Variants in PRKD1 observed in about 807,000 individuals in gnomAD.
PRKD1 encodes serine/threonine-protein kinase D1.
Under a neutral mutation model 95.9 loss-of-function variants are expected in PRKD1, and 63 were observed. That is an observed-to-expected ratio of 0.66 (90% CI 0.54 to 0.81). The LOEUF (loss-of-function observed/expected upper bound fraction) is 0.81. Among genes scored for constraint, PRKD1 ranks in the 30% least tolerant of loss-of-function variants. The pLI, the probability that PRKD1 is intolerant of heterozygous loss-of-function variation, is 0.00. For synonymous variants in PRKD1, 425 were observed against 423.1 expected, an observed-to-expected ratio of 1.00 and a Z score of -0.05; for missense variants, 1,048 against 1,165.3, an observed-to-expected ratio of 0.90 and a Z score of 1.47.
At chr14:29,586,466 T>C (rs1039541781) in intron 16 of PRKD1, among the ~76,000 whole-genome samples, 41 of 152,280 alleles carry the variant, frequency 2.7e-4, no homozygotes, top group African/African-American at 8.9e-4. Flanking sequence ...AAGTACAGAA[T>C]TGGAAAATCT....
chr14:29,927,375 G>A lies in PRKD1; in HGVS notation c.138C>T (p.Val46=). The A allele has an allele frequency of 1.3e-6, 2 of 1,557,548 alleles. No homozygotes were observed. The highest frequency in any genetic ancestry group is 2.5e-5 in the East Asian group (1 of 39,440). Reference sequence around the variant, plus strand: ...TCTGCAGATGGAACGAGATGCCCCCGACCGGGGCCGCGACAGGAGCCAAGA... The same window carrying A: ...TCTGCAGATGGAACGAGATGCCCCCAACCGGGGCCGCGACAGGAGCCAAGA... The part of the protein sequence containing the change: ...APFLAPVAAP[V]GGISFHLQIG... Residue 46 remains valine (V), a synonymous_variant, in exon 1 of 18, where the codon GTC becomes GTT. Transcript: ENST00000331968.
intron 1 of PRKD1, among the ~76,000 whole-genome samples, chr14:29,848,832 T>C (rs1029171310): frequency 1.4e-5 from 2 of 145,762 alleles, no homozygotes; most frequent in African/African-American, 2.4e-5. Flanking sequence ...AAGATGTAGA[T>C]AAAGTCAATA....
chr14:29,600,796 C>A (rs760346640), intron 13 of PRKD1, among the ~76,000 whole-genome samples: 3 of 152,086 alleles, frequency 2.0e-5, no homozygotes, highest in African/African-American at 7.2e-5. Context: ...AGTAAAATTA[C>A]GCTTAGCATT....
chr14:29,857,162 C>T (rs1034207506), intron 1 of PRKD1, among the ~76,000 whole-genome samples: 1 of 152,148 alleles, frequency 6.6e-6, no homozygotes, highest in African/African-American at 2.4e-5. Flanking sequence ...ATGTGAAATA[C>T]TAGCATACTT....
intron 1 of PRKD1, among the ~76,000 whole-genome samples, chr14:29,887,070 A>G (rs1039624171): frequency 2.0e-5 from 3 of 152,232 alleles, no homozygotes; most frequent in Admixed American, 2.0e-4. Flanking sequence ...ATGATGCACC[A>G]AAAGTATAAT....
intron 15 of PRKD1, among the ~76,000 whole-genome samples, 170 bp from the exon 16 acceptor site, chr14:29,597,928 G>C (rs2139008386): frequency 6.6e-6 from 1 of 152,284 alleles, no homozygotes; most frequent in East Asian, 1.9e-4. Context: ...TTTGAAGACA[G>C]TGGTTTATGT....
chr14:29,615,716 T>A (rs1878808644), intron 13 of PRKD1, among the ~76,000 whole-genome samples: 1 of 152,196 alleles, frequency 6.6e-6, no homozygotes, highest in South Asian at 2.1e-4. Context: ...GTTTTATTCA[T>A]GTTTATACGG....
chr14:29,736,611 T>C (rs1466378181), intron 1 of PRKD1, among the ~76,000 whole-genome samples: 1 of 152,130 alleles, frequency 6.6e-6, no homozygotes, highest in African/African-American at 2.4e-5. Context: ...TGGTCGTGAG[T>C]GCAAACATCT....
chr14:29,755,599 T>C (rs1389120081), intron 1 of PRKD1, among the ~76,000 whole-genome samples: 1 of 152,162 alleles, frequency 6.6e-6, no homozygotes, highest in Non-Finnish European at 1.5e-5. Context: ...TTCTGTCACT[T>C]GTAATCATAG....
At chr14:29,709,248 GA>G (rs948542671) in intron 2 of PRKD1, among the ~76,000 whole-genome samples, 1 of 151,986 alleles carries the variant, frequency 6.6e-6, no homozygotes, top group Non-Finnish European at 1.5e-5. Flanking sequence ...AAGTAAAAGG[GA>G]AAAATAGAAA....
chr14:29,632,100 C>T (rs967729749), intron 9 of PRKD1, among the ~76,000 whole-genome samples: 1 of 152,042 alleles, frequency 6.6e-6, no homozygotes, highest in African/African-American at 2.4e-5. Flanking sequence ...TGCGCCTGGC[C>T]AATAGTCATC....
In PRKD1 at chr14:29,638,616, A is replaced by C. The variant is rs1333183910; in HGVS notation, c.908-50T>G. Reference sequence around the variant, plus strand: ...AACAAAATGAGAATTTGTCATAAAGAAAAGTGGTAACCAGAAAATACTTAT... The same window carrying C: ...AACAAAATGAGAATTTGTCATAAAGCAAAGTGGTAACCAGAAAATACTTAT... On this transcript the variant is annotated intron_variant, in intron 5 of 17. Coordinates refer to ENST00000331968, the MANE Select transcript of PRKD1 (RefSeq NM_002742.3). The C allele has an allele frequency of 1.9e-6, 3 of 1,612,974 alleles. No individual in the cohort carries two copies. In the South Asian group the frequency reaches 3.3e-5, roughly 18 times the overall value.
intron 7 of PRKD1, among the ~76,000 whole-genome samples, chr14:29,634,818 G>A (rs1880259984): frequency 1.3e-5 from 2 of 152,124 alleles, no homozygotes; most frequent in African/African-American, 4.8e-5. Flanking sequence ...TGGATCACGA[G>A]GTCAGGAGTT....
At position 29,841,264 on chromosome 14, in the gene PRKD1, T is replaced by C. The variant is rs565508656; in HGVS notation, c.264+85985A>G. On this transcript the variant is annotated intron_variant, in intron 1 of 17. Transcript: ENST00000331968. Reference sequence around the variant, plus strand: ...GGACTGTGGACTTTTGAGTTAATGCTGAAATGAGTTAAGAATCTGGGGGAC... The same window carrying C: ...GGACTGTGGACTTTTGAGTTAATGCCGAAATGAGTTAAGAATCTGGGGGAC... 5.3e-4 allele frequency among the ~76,000 whole-genome samples: 81 copies of C among 152,326 alleles called. No homozygotes were observed. The Middle Eastern group carries it at 0.01, about 19-fold the overall frequency.
At chr14:29,849,577 C>CAACAACA (rs1371481591) in intron 1 of PRKD1, among the ~76,000 whole-genome samples, 1 of 139,660 alleles carries the variant, frequency 7.2e-6, no homozygotes, top group African/African-American at 2.7e-5. Context: ...ACAACAACAA[C>CAACAACA]AAAAAAAAAA....
chr14:29,737,314 G>A, intron 1 of PRKD1, among the ~76,000 whole-genome samples: 1 of 104,908 alleles, frequency 9.5e-6, no homozygotes, highest in Admixed American at 1.4e-4. Context: ...GGGCGACAGA[G>A]CGAGACTCCG....
chr14:29,747,307 A>T (rs546757932), intron 1 of PRKD1, among the ~76,000 whole-genome samples: 1 of 152,212 alleles, frequency 6.6e-6, no homozygotes, highest in Non-Finnish European at 1.5e-5. Context: ...AGTAACAGGT[A>T]TTAGGATGAA....
intron 16 of PRKD1, among the ~76,000 whole-genome samples, chr14:29,583,321 T>C (rs1892809430): frequency 6.6e-6 from 1 of 152,134 alleles, no homozygotes; most frequent in Non-Finnish European, 1.5e-5. Context: ...GCCAAAGCAG[T>C]AGGGGAAATG....
chr14:29,674,142 T>C (rs1236237466), intron 2 of PRKD1, among the ~76,000 whole-genome samples: 1 of 152,136 alleles, frequency 6.6e-6, no homozygotes, highest in Non-Finnish European at 1.5e-5. Context: ...TCACAGTTAT[T>C]ATTAATAATA....
Sources: gnomAD v4.1 joint callset for allele counts (sites outside exome capture counted in the v4.1 genomes callset) on GRCh38, gnomAD v4.1.1 for gene constraint, MANE v1.5 for transcripts, NCBI Gene and HGNC (gene_info 2026-07-23, HGNC 2026-07-21) for gene names.